Variants in FTO observed in about 807,000 individuals in gnomAD.
FTO encodes the protein FTO alpha-ketoglutarate dependent dioxygenase, also known as alpha-ketoglutarate-dependent dioxygenase FTO.
In FTO, 47 loss-of-function variants were observed where a neutral mutation model predicts 63.9. The ratio of observed to expected loss-of-function variants is 0.74; its 90% CI spans 0.58 to 0.94. The LOEUF is 0.94. Among genes scored for constraint, FTO ranks in the 40% least tolerant of loss-of-function variants. The pLI is 0.00. For missense variants in FTO, 562 were observed against 618.1 expected (o/e 0.91, Z 0.96); for synonymous variants, 207 against 224.4 (o/e 0.92, Z 0.69).
intron 8 of FTO, among the ~76,000 whole-genome samples, chr16:53,967,274 A>G (rs1378818069): frequency 6.6e-6 from 1 of 151,782 alleles, no homozygotes; most frequent in African/African-American, 2.4e-5. Flanking sequence ...TGTGACCAGG[A>G]GTCTGTTTAG....
At chr16:54,021,797 T>C (rs1003691765) in intron 8 of FTO, among the ~76,000 whole-genome samples, 2 of 152,090 alleles carry the variant, frequency 1.3e-5, no homozygotes, top group Non-Finnish European at 2.9e-5. Context: ...TTGGGTGGTG[T>C]GATTCTTATG....
At chr16:53,927,412 G>C (rs192025004) in intron 7 of FTO, among the ~76,000 whole-genome samples, 2 of 152,312 alleles carry the variant, frequency 1.3e-5, no homozygotes, top group Non-Finnish European at 2.9e-5. Context: ...ATGTGGACAG[G>C]TGAAGGTCAA....
intron 8 of FTO, among the ~76,000 whole-genome samples, chr16:54,068,909 C>T (rs1217174654): frequency 6.6e-6 from 1 of 152,134 alleles, no homozygotes; most frequent in African/African-American, 2.4e-5. Context: ...CTTCTCGGGG[C>T]CAGGCAGAGA....
intron 1 of FTO, among the ~76,000 whole-genome samples, chr16:53,755,333 GA>G (rs1217336252): frequency 6.6e-6 from 1 of 152,134 alleles, no homozygotes; most frequent in African/African-American, 2.4e-5. Context: ...ACCCAGAGGA[GA>G]TGCTCCAGGT....
At position 53,787,110 on chromosome 16, in the gene FTO, C is replaced by CAA. The variant is rs35391915; in HGVS notation, c.46-22999_46-22998dup. On this transcript the variant is annotated intron_variant, in intron 1 of 8. Transcript: ENST00000471389. The stretch of plus-strand genomic sequence containing the variant: ...TGGGCAACAGAGTGAGACTCCTTCT[C>CAA]AAAAAAAAAAAAAAAAAAAAAAAAA... Among the ~76,000 whole-genome samples the CAA allele has an allele frequency of 6.6e-3, 371 of 56,140 alleles. 51 individuals are homozygous for CAA. Among genetic ancestry groups the CAA allele is most frequent in the African/African-American group, 0.02 (228 of 11,442 alleles). The allele number at this position is 56,140 out of a possible 152,430, so 36.8% of individuals were successfully genotyped here. A position where few individuals can be genotyped will look rare whatever the true frequency, so the allele number is the denominator to read the frequency against.
chr16:54,064,481 T>G (rs1465005690), intron 8 of FTO, among the ~76,000 whole-genome samples: 1 of 152,224 alleles, frequency 6.6e-6, no homozygotes, highest in Non-Finnish European at 1.5e-5. Context: ...ATTAAAGATG[T>G]CAATTTGTGC....
chr16:53,737,789 C>T (rs1055485143), intron 1 of FTO, among the ~76,000 whole-genome samples: 3 of 152,074 alleles, frequency 2.0e-5, no homozygotes, highest in African/African-American at 7.2e-5. Flanking sequence ...CTCCCCCCAG[C>T]CTACCCAATT....
chr16:53,996,816 A>C (rs1249147462), intron 8 of FTO, among the ~76,000 whole-genome samples: 2 of 152,026 alleles, frequency 1.3e-5, no homozygotes, highest in African/African-American at 4.8e-5. Flanking sequence ...TTATAAAACC[A>C]TTGGATCTCA....
chr16:53,962,170 A>C (rs950483748), intron 8 of FTO, among the ~76,000 whole-genome samples: 4 of 152,190 alleles, frequency 2.6e-5, no homozygotes, highest in Admixed American at 1.3e-4. Context: ...GGTAGATTGC[A>C]TAGAAGATCA....
intron 8 of FTO, chr16:54,040,085 C>T (rs1345503134): frequency 6.6e-6 from 1 of 152,170 alleles, no homozygotes; most frequent in Non-Finnish European, 1.5e-5. Flanking sequence ...AAAGTTCAAA[C>T]CTAGTGACTG....
At chr16:54,062,875 C>T (rs1301972298) in intron 8 of FTO, among the ~76,000 whole-genome samples, 8 of 152,140 alleles carry the variant, frequency 5.3e-5, no homozygotes, top group Admixed American at 3.9e-4. Flanking sequence ...AATAGATAGT[C>T]ATGAAGGATT....
chr16:53,971,602 T>C (rs569990395), intron 8 of FTO, among the ~76,000 whole-genome samples: 2 of 152,384 alleles, frequency 1.3e-5, no homozygotes, highest in East Asian at 3.9e-4. Context: ...TGTATATGTG[T>C]GTATTTTTAA....
chr16:53,924,281 A>C (rs941101135), intron 7 of FTO, among the ~76,000 whole-genome samples: 7 of 152,180 alleles, frequency 4.6e-5, no homozygotes, highest in Admixed American at 6.5e-5. Flanking sequence ...TGGATGAGGA[A>C]ACTGATCAAA....
At chr16:53,888,793 A>C in intron 6 of FTO, 39 bp from the exon 7 acceptor site, 1 of 1,612,014 alleles carries the variant, frequency 6.2e-7, no homozygotes, top group African/African-American at 1.3e-5. Context: ...GTCTATCACA[A>C]GGGTATTAAA....
intron 1 of FTO, among the ~76,000 whole-genome samples, chr16:53,720,217 G>A (rs763903917): frequency 2.6e-5 from 4 of 152,006 alleles, no homozygotes; most frequent in African/African-American, 4.8e-5. Context: ...CACTTACTAC[G>A]TATTACCTTG....
intron 8 of FTO, among the ~76,000 whole-genome samples, chr16:54,066,154 G>A (rs995489174): frequency 3.9e-5 from 6 of 152,164 alleles, no homozygotes; most frequent in Admixed American, 6.5e-5. Flanking sequence ...TGTTGGGACC[G>A]GGATTCCCCA....
At chr16:53,750,861 T>G (rs190803854) in intron 1 of FTO, among the ~76,000 whole-genome samples, 2 of 152,188 alleles carry the variant, frequency 1.3e-5, no homozygotes, top group African/African-American at 4.8e-5. Context: ...ACACAGAACA[T>G]GGGCAATATG....
At chr16:53,825,591 C>A (rs574490023) in intron 2 of FTO, among the ~76,000 whole-genome samples, 1 of 152,234 alleles carries the variant, frequency 6.6e-6, no homozygotes, top group Admixed American at 6.5e-5. Flanking sequence ...CAGAATAATC[C>A]TGGTGTATCA....
intron 1 of FTO, among the ~76,000 whole-genome samples, chr16:53,787,789 G>T (rs1055392920): frequency 3.3e-5 from 5 of 152,182 alleles, no homozygotes; most frequent in African/African-American, 1.2e-4. Flanking sequence ...ATAAATATAT[G>T]AGAAAGAAGG....
Sources: allele counts gnomAD v4.1 joint callset (sites outside exome capture counted in the v4.1 genomes callset), GRCh38; gene constraint gnomAD v4.1.1; transcripts MANE v1.5; gene names NCBI Gene and HGNC (gene_info 2026-07-23, HGNC 2026-07-21).